Variants in FKBP9 observed in about 807,000 individuals in gnomAD.
FKBP9 encodes FKBP prolyl isomerase 9.
In FKBP9, 27 loss-of-function variants were observed where a neutral mutation model predicts 55.6. The ratio of observed to expected loss-of-function variants is 0.49; its 90% CI spans 0.36 to 0.67. The LOEUF (loss-of-function observed/expected upper bound fraction) is 0.67. Among genes scored for constraint, FKBP9 ranks in the 30% least tolerant of loss-of-function variants. FKBP9 has a pLI of 0.00. For synonymous variants in FKBP9, 267 were observed against 296.5 expected (o/e 0.90, Z 1.02); for missense variants, 539 against 742.8 (o/e 0.73, Z 3.19).
chr7:32,999,087 C>G (rs1033206601), intron 7 of FKBP9, among the ~76,000 whole-genome samples: 1 of 152,136 alleles, frequency 6.6e-6, no homozygotes, highest in Non-Finnish European at 1.5e-5. Context: ...GGCTCCCTCC[C>G]CAAAGCCATC....
At chr7:32,979,020 G>A (rs1163670179) in intron 4 of FKBP9, among the ~76,000 whole-genome samples, 1 of 152,206 alleles carries the variant, frequency 6.6e-6, no homozygotes, top group Non-Finnish European at 1.5e-5. Context: ...TGTAATCCCA[G>A]CACTTTGGGA....
chr7:33,000,028 C>T, intron 7 of FKBP9, 87 bp from the exon 8 acceptor site: 3 of 1,520,728 alleles, frequency 2.0e-6, no homozygotes, highest in Middle Eastern at 1.7e-4. Flanking sequence ...GTAGAAATAT[C>T]CTAGAAGTGA....
At chr7:32,991,509 G>A (rs1485686460) in intron 6 of FKBP9, among the ~76,000 whole-genome samples, 2 of 152,184 alleles carry the variant, frequency 1.3e-5, no homozygotes, top group African/African-American at 2.4e-5. Context: ...CTTCTTAGTG[G>A]CTTCTTCACT....
chr7:32,975,652 C>CT (rs55749052), intron 3 of FKBP9, among the ~76,000 whole-genome samples: 105,943 of 146,328 alleles, frequency 0.72, 38,450 homozygotes, highest in South Asian at 0.79. Context: ...CTATTTCTTT[C>CT]TTTTTTTTTT....
intron 1 of FKBP9, among the ~76,000 whole-genome samples, chr7:32,972,914 G>T (rs544447008): frequency 2.0e-5 from 3 of 152,148 alleles, no homozygotes; most frequent in Non-Finnish European, 2.9e-5. Flanking sequence ...TAGAGATGGG[G>T]TTTCACCATG....
chr7:32,995,463 C>T (rs768765860), intron 6 of FKBP9, among the ~76,000 whole-genome samples: 3 of 152,188 alleles, frequency 2.0e-5, no homozygotes, highest in Non-Finnish European at 4.4e-5. Flanking sequence ...ATGGCCATGC[C>T]TACCCCATAA....
chr7:33,002,897 G>A, intron 9 of FKBP9, 58 bp downstream of exon 9: 2 of 1,569,854 alleles, frequency 1.3e-6, no homozygotes, highest in Non-Finnish European at 1.7e-6. Context: ...GCCTGGTAAG[G>A]CCGTGGGGCC....
intron 1 of FKBP9, among the ~76,000 whole-genome samples, chr7:32,972,004 G>GA (rs1447437588): frequency 1.4e-5 from 1 of 71,128 alleles, no homozygotes; most frequent in Non-Finnish European, 3.6e-5. Flanking sequence ...TTCTGTGAAT[G>GA]AAAAAAATAT....
chr7:32,998,796 A>G (rs896061340), intron 7 of FKBP9, among the ~76,000 whole-genome samples: 6 of 152,138 alleles, frequency 3.9e-5, no homozygotes, highest in Admixed American at 6.5e-5. Context: ...GGATGGGGCC[A>G]GGAAGCATGC....
Position 32,957,647 on chromosome 7 carries a change from C to A in FKBP9, c.74C>A (p.Ala25Glu). 1 of 1,501,602 alleles carries A rather than the reference C, an allele frequency of 6.7e-7. No individual in the cohort carries two copies. Among genetic ancestry groups the A allele is most frequent in the Non-Finnish European group, 8.8e-7 (1 of 1,134,050 alleles). 93.0% of individuals were successfully genotyped at this position (1,501,602 alleles called of 1,614,324 possible). Residue 25 changes from alanine to glutamate, a missense_variant, in exon 1 of 10, where the codon GCG becomes GAG. Ala to Glu is a moderately radical substitution (Grantham distance 107). Around this residue, in one of 4 missense-constraint regions of FKBP9, gnomAD observed 236 missense variants for 271.5 expected, o/e 0.87. Coordinates refer to ENST00000242209, the MANE Select transcript of FKBP9 (RefSeq NM_007270.5). The part of the protein sequence containing the change: ...LLLLWVTGQA[A>E]PVAGLGSDAE... ...CTGCTCTGGGTGACCGGGCAGGCAG[C>A]GCCCGTGGCGGGCCTGGGCTCCGAC... is the stretch of plus-strand genomic sequence containing the variant.
At chr7:32,974,199 C>CCG (rs1554285157) in intron 1 of FKBP9, among the ~76,000 whole-genome samples, 4 of 147,842 alleles carry the variant, frequency 2.7e-5, no homozygotes, top group Admixed American at 6.7e-5. Context: ...TTAGTAGAGG[C>CCG]GGGGGGGCCT....
chr7:32,961,954 G>A (rs1217480190), intron 1 of FKBP9, among the ~76,000 whole-genome samples: 1 of 151,912 alleles, frequency 6.6e-6, no homozygotes, highest in Non-Finnish European at 1.5e-5. Flanking sequence ...ATATTACGGT[G>A]TAATAATAAT....
chr7:32,972,353 C>G (rs911734163), intron 1 of FKBP9, among the ~76,000 whole-genome samples: 2 of 152,058 alleles, frequency 1.3e-5, no homozygotes, highest in Non-Finnish European at 2.9e-5. Flanking sequence ...GGCTGTAAAA[C>G]TAGGAGGAGA....
chr7:32,959,316 A>T (rs546468732), intron 1 of FKBP9, among the ~76,000 whole-genome samples: 11 of 152,228 alleles, frequency 7.2e-5, no homozygotes, highest in Non-Finnish European at 1.2e-4. Context: ...GAGACAGGAG[A>T]ATGGCGTGAA....
chr7:32,960,342 T>C (rs1294504619), intron 1 of FKBP9, among the ~76,000 whole-genome samples: 1 of 152,084 alleles, frequency 6.6e-6, no homozygotes, highest in Admixed American at 6.6e-5. Flanking sequence ...CTTGAACTCC[T>C]GACCTCAGGT....
At chr7:32,997,839 AAAAAG>A (rs1213872190) in intron 7 of FKBP9, among the ~76,000 whole-genome samples, 9 of 151,884 alleles carry the variant, frequency 5.9e-5, no homozygotes, top group African/African-American at 1.9e-4. Flanking sequence ...AAAAAGAAAG[AAAAAG>A]AAAAGACCCT....
intron 1 of FKBP9, among the ~76,000 whole-genome samples, chr7:32,968,317 C>T (rs1784186765): frequency 6.6e-6 from 1 of 152,208 alleles, no homozygotes; most frequent in Non-Finnish European, 1.5e-5. Flanking sequence ...CTGCGTCCGG[C>T]CTGATTCTGT....
Position 32,980,464 on chromosome 7 carries a change from T to G in FKBP9, c.804T>G (p.Pro268=). 6.2e-7 allele frequency: 1 copy of G among 1,613,928 alleles called. No individual in the cohort carries two copies. The highest frequency in any genetic ancestry group is 2.2e-5 in the East Asian group (1 of 44,882). The change falls in exon 5 of 10, where the codon CCT becomes CCG. Residue 268 remains proline, a synonymous_variant. Transcript: ENST00000242209. The stretch of plus-strand genomic sequence containing the variant: ...TTTCCATTGAGAACAAGGTAGTACC[T>G]GAAAACTGTGAGCGGATAAGTCAAA... ...DSISIENKVV[P]ENCERISQSG...
intron 1 of FKBP9, among the ~76,000 whole-genome samples, chr7:32,970,036 GTT>G (rs537430761): frequency 6.8e-6 from 1 of 146,870 alleles, no homozygotes; most frequent in Non-Finnish European, 1.5e-5. Context: ...TTTTAGTTTA[GTT>G]TTTTTTTTTC....
Sources: gnomAD v4.1 joint callset for allele counts (sites outside exome capture counted in the v4.1 genomes callset) on GRCh38, gnomAD v4.1.1 for gene constraint, gnomAD v4.1.1 regional missense constraint, MANE v1.5 for transcripts, NCBI Gene and HGNC (gene_info 2026-07-23, HGNC 2026-07-21) for gene names.